PCDHA1: variants seen among roughly 807,000 people sequenced by gnomAD.
PCDHA1 encodes protocadherin alpha-1.
Under a neutral mutation model 61.3 loss-of-function variants are expected in PCDHA1, and 42 were observed. The observed-to-expected ratio is 0.69, with a 90% CI of 0.54 to 0.89. PCDHA1 has a LOEUF of 0.89. Among genes scored for constraint, PCDHA1 ranks in the 40% least tolerant of loss-of-function variants. The pLI is 0.00. For synonymous variants in PCDHA1, 610 were observed against 553.8 expected (o/e 1.10, Z -1.43); for missense variants, 1,256 against 1,235.3 (o/e 1.02, Z -0.25).
chr5:140,823,191 C>T lies in PCDHA1; in HGVS notation c.2394+34507C>T, dbSNP rs2150123278. 1.1e-5 allele frequency: 18 copies of T among 1,613,916 alleles called. No individual in the cohort carries two copies. In the South Asian group the frequency reaches 1.5e-4, roughly 14 times the overall value. ...AGGAGAACAACCCGCCAGGCTGCCA[C>T]ATCTTCACGGTGTCTGCACGGGACG... is the stretch of plus-strand genomic sequence containing the variant. On this transcript the variant is annotated intron_variant, in intron 1 of 3. Coordinates refer to ENST00000504120, the MANE Select transcript of PCDHA1 (RefSeq NM_018900.4).
rs781790601 is a variant in PCDHA1 at position 140,870,998 on chromosome 5, C to G, written c.2394+82314C>G. The G allele has an allele frequency of 6.2e-6, 10 of 1,613,366 alleles. No individual in the cohort carries two copies. The Admixed American group carries it at 1.7e-4, about 27-fold the overall frequency. On this transcript the variant is annotated intron_variant, in intron 1 of 3. Transcript: ENST00000504120. Reference sequence around the variant, plus strand: ...GGGCTGTACACGGGCGAGATAAGCACAACGCGTGCCCTGGACGAGGCAGAC... The same window carrying G: ...GGGCTGTACACGGGCGAGATAAGCAGAACGCGTGCCCTGGACGAGGCAGAC...
chr5:140,978,103 A>T (rs2096789005), intron 1 of PCDHA1, among the ~76,000 whole-genome samples: 1 of 152,106 alleles, frequency 6.6e-6, no homozygotes, highest in South Asian at 2.1e-4. Context: ...AACTCCCCCA[A>T]CAGTCTTTAA....
At chr5:140,834,577 G>C (rs1554134334) in intron 1 of PCDHA1, 2 of 1,614,058 alleles carry the variant, frequency 1.2e-6, no homozygotes, top group Non-Finnish European at 1.7e-6. Context: ...CGCCTGTTCC[G>C]GGCGGTGTGC....
rs138396244 is a variant in PCDHA1 at position 140,808,284 on chromosome 5, G to C, written c.2394+19600G>C. 1.6e-4 allele frequency: 256 copies of C among 1,614,256 alleles called. 1 individual carries two copies. In the African/African-American group the frequency reaches 2.7e-3, roughly 17 times the overall value. ...CCAATTAGAGAGGACGCTCCACTGG[G>C]TACAGTCATCGCCCTGATCAGCGTG... On this transcript the variant is annotated intron_variant, in intron 1 of 3. Coordinates refer to ENST00000504120, the MANE Select transcript of PCDHA1 (RefSeq NM_018900.4).
rs983313958 is a variant in PCDHA1 at position 140,856,486 on chromosome 5, G to A, written c.2394+67802G>A. The A allele has an allele frequency of 4.4e-6, 7 of 1,598,346 alleles. No homozygotes were observed. The Middle Eastern group carries it at 1.0e-3, about 228-fold the overall frequency. On this transcript the variant is annotated intron_variant, in intron 1 of 3. Transcript: ENST00000504120. ...AGCTCTCAATACCTGAATCCAGACTGCTTGACTCTCGATTTCCACTAGAAG... is the reference window on the plus strand; with the variant it reads ...AGCTCTCAATACCTGAATCCAGACTACTTGACTCTCGATTTCCACTAGAAG...
At position 140,980,684 on chromosome 5, in the gene PCDHA1, GA is replaced by G. The variant is rs782726576; in HGVS notation, c.2453+1687del. 1.5e-4 allele frequency among the ~76,000 whole-genome samples: 22 copies of G among 145,136 alleles called. No individual in the cohort carries two copies. In the East Asian group the frequency reaches 2.6e-3, roughly 17 times the overall value. ...AACTTCCTTATCCCATTTTCAAATT[GA>G]AAAAAAAAAGCCAAATGTGCTCCTA... On this transcript the variant is annotated intron_variant, in intron 2 of 3. Transcript: ENST00000504120.
chr5:140,843,388 G>C lies in PCDHA1; in HGVS notation c.2394+54704G>C, dbSNP rs1411961192. On this transcript the variant is annotated intron_variant, in intron 1 of 3. Coordinates refer to ENST00000504120, the MANE Select transcript of PCDHA1 (RefSeq NM_018900.4). ...GGCAGTCGGCTGGCGTTTTGGGTCC[G>C]GAAGCGGCGCTGGTGGATGTCAACG... 45 of 1,595,950 alleles carry C rather than the reference G, an allele frequency of 2.8e-5. 4 individuals are homozygous for C. The highest frequency in any genetic ancestry group is 3.9e-5 in the Non-Finnish European group (45 of 1,165,580).
At chr5:140,841,556 C>A (rs2150318181) in intron 1 of PCDHA1, 1 of 1,613,884 alleles carries the variant, frequency 6.2e-7, no homozygotes, top group South Asian at 1.1e-5. Flanking sequence ...GGAGGTAAGT[C>A]TGCAGAATGG....
In PCDHA1 at chr5:141,000,418, TATA is replaced by T. The variant is rs1442097844; in HGVS notation, c.2543-9208_2543-9206del. 6.0e-3 allele frequency among the ~76,000 whole-genome samples: 500 copies of T among 83,616 alleles called. 3 individuals are homozygous for T. The highest frequency in any genetic ancestry group is 7.2e-3 in the African/African-American group (142 of 19,618). 54.9% of individuals were successfully genotyped at this position (83,616 alleles called of 152,430 possible). A position where few individuals can be genotyped will look rare whatever the true frequency, so the allele number is the denominator to read the frequency against. ...CTCTATATATATATATATATATATA[TATA>T]TTTTTTTTTTTTTTTTTTTTTTTGA... On this transcript the variant is annotated intron_variant, in intron 3 of 3. Coordinates refer to ENST00000504120, the MANE Select transcript of PCDHA1 (RefSeq NM_018900.4).
At chr5:140,834,123 C>T in intron 1 of PCDHA1, 1 of 438,322 alleles carries the variant, frequency 2.3e-6, no homozygotes, top group Non-Finnish European at 4.0e-6. Flanking sequence ...TGAAATAAAA[C>T]TTTTCATCTG....
At chr5:140,835,062 C>G in intron 1 of PCDHA1, 2 of 1,216,122 alleles carry the variant, frequency 1.6e-6, no homozygotes, top group South Asian at 1.5e-5. Context: ...TGGCACCGTT[C>G]AATTACTCAT....
chr5:140,801,818 G>C (rs1762792800), intron 1 of PCDHA1: 1 of 1,614,078 alleles, frequency 6.2e-7, no homozygotes. Context: ...ACACTCCTAA[G>C]CATTATTTAC....
At chr5:140,894,793 T>C (rs1269028222) in intron 1 of PCDHA1, among the ~76,000 whole-genome samples, 2 of 152,170 alleles carry the variant, frequency 1.3e-5, no homozygotes, top group Non-Finnish European at 2.9e-5. Flanking sequence ...TGTCCTCTCC[T>C]TTAAAAATAA....
chr5:140,824,286 A>C, intron 1 of PCDHA1: 1 of 1,021,950 alleles, frequency 9.8e-7, no homozygotes, highest in Non-Finnish European at 1.5e-6. Context: ...GCTTTTTATG[A>C]GGCTTTTCTG....
chr5:140,800,085 T>G (rs1177642301), intron 1 of PCDHA1, among the ~76,000 whole-genome samples: 8 of 152,152 alleles, frequency 5.3e-5, no homozygotes, highest in Non-Finnish European at 8.8e-5. Context: ...AATCTAGAAA[T>G]TCATCAGGAG....
chr5:140,849,664 C>G, intron 1 of PCDHA1: 1 of 1,598,668 alleles, frequency 6.3e-7, no homozygotes, highest in Non-Finnish European at 8.6e-7. Flanking sequence ...TGCTCCCTGA[C>G]GCCCCACGTC....
In PCDHA1 at chr5:140,856,281, T is replaced by C. The variant is rs782635462; in HGVS notation, c.2394+67597T>C. On this transcript the variant is annotated intron_variant, in intron 1 of 3. Transcript: ENST00000504120. The stretch of plus-strand genomic sequence containing the variant: ...CACGGGGACCTTCTGGAGGTAAATC[T>C]GCAGAATGGCATTTTGTTTGTGAAT... 8.1e-6 allele frequency: 13 copies of C among 1,598,288 alleles called. 1 individual carries two copies. Among genetic ancestry groups the C allele is most frequent in the Non-Finnish European group, 1.1e-5 (13 of 1,168,008 alleles).
intron 1 of PCDHA1, chr5:140,823,348 G>C (rs782629988): frequency 6.2e-7 from 1 of 1,612,340 alleles, no homozygotes. Flanking sequence ...GCTGGACCAC[G>C]AGGAAGTGGA....
chr5:140,787,996 G>T lies in PCDHA1; in HGVS notation c.1706G>T (p.Arg569Leu), dbSNP rs148397611. Residue 569 changes from arginine (R) to leucine (L), a missense_variant, in exon 1 of 4, where the codon CGA becomes CTA. Transcript: ENST00000504120. Reference sequence around the variant, plus strand: ...AACGCGCCGGCGCTGCTGGCGCCTCGAGTGGGTGGCACTATTGGTGCAGTC... The same window carrying T: ...AACGCGCCGGCGCTGCTGGCGCCTCTAGTGGGTGGCACTATTGGTGCAGTC... ...NDNAPALLAPRVGGTIGAVSE... is the reference protein window; with the variant it reads ...NDNAPALLAPLVGGTIGAVSE... 3.1e-4 allele frequency: 498 copies of T among 1,613,890 alleles called. 3 individuals carry two copies. The highest frequency in any genetic ancestry group is 4.1e-4 in the Non-Finnish European group (486 of 1,179,902).
Sources: gnomAD v4.1 joint callset for allele counts (sites outside exome capture counted in the v4.1 genomes callset) on GRCh38, gnomAD v4.1.1 for gene constraint, MANE v1.5 for transcripts, NCBI Gene and HGNC (gene_info 2026-07-23, HGNC 2026-07-21) for gene names.